The following VPS13B variants were observed in gnomAD, a reference collection of about 807,000 sequenced individuals.
The protein encoded by VPS13B is intermembrane lipid transfer protein VPS13B.
Under a neutral mutation model 426.4 loss-of-function variants are expected in VPS13B, and 285 were observed. That is an observed-to-expected ratio of 0.67 (90% CI 0.61 to 0.74). The LOEUF is 0.74. Ranked by LOEUF, VPS13B falls within the 30% of genes least tolerant of loss-of-function variation. The probability of loss-of-function intolerance (pLI) is 0.00; values close to 1 mark genes in which losing one functional copy is unlikely to be tolerated. For missense variants in VPS13B, 4,537 were observed against 4,782.6 expected, an observed-to-expected ratio of 0.95 and a Z score of 1.51; for synonymous variants, 1,676 against 1,676.4, an observed-to-expected ratio of 1.00 and a Z score of 0.01.
intron 43 of VPS13B, among the ~76,000 whole-genome samples, chr8:99,790,492 A>C (rs915573143): frequency 6.6e-6 from 1 of 152,214 alleles, no homozygotes. Context: ...GTAAAAAATT[A>C]TTATAGACAT....
intron 26 of VPS13B, 32 bp downstream of exon 26, chr8:99,501,890 C>G (rs1821250679): frequency 6.3e-6 from 10 of 1,599,742 alleles, no homozygotes; most frequent in Non-Finnish European, 8.5e-6. Context: ...TTCCCTCCCT[C>G]CCTCTGTCCC....
At chr8:99,750,711 T>C (rs996936921) in intron 39 of VPS13B, among the ~76,000 whole-genome samples, 1 of 152,158 alleles carries the variant, frequency 6.6e-6, no homozygotes, top group Admixed American at 6.6e-5. Flanking sequence ...TAGAGTTCTC[T>C]GTGCACAGAT....
In VPS13B at chr8:99,028,964, G is replaced by C. The variant is rs530953051; in HGVS notation, c.148-9459G>C. 9.6e-5 allele frequency among the ~76,000 whole-genome samples: 14 copies of C among 146,394 alleles called. 1 individual carries two copies. The East Asian group carries it at 3.0e-3, about 31-fold the overall frequency. ...GACGGGGTGGCTGCCGGACGGAGGG[G>C]CTCCTCACTTCTCAGACGGGGCGGC... is the stretch of plus-strand genomic sequence containing the variant. On this transcript the variant is annotated intron_variant, in intron 2 of 61. Coordinates refer to ENST00000357162, the MANE Select transcript of VPS13B (RefSeq NM_152564.5).
chr8:99,373,063 A>G (rs1422941135), intron 19 of VPS13B, among the ~76,000 whole-genome samples: 1 of 152,180 alleles, frequency 6.6e-6, no homozygotes, highest in Non-Finnish European at 1.5e-5. Context: ...CTAACACAGG[A>G]ACAGAAAACC....
intron 19 of VPS13B, 98 bp downstream of exon 19, chr8:99,275,352 TA>T: frequency 7.1e-6 from 8 of 1,122,920 alleles, no homozygotes; most frequent in Non-Finnish European, 9.9e-6. Context: ...TTTTTTTAGG[TA>T]TTTTTGTCAA....
intron 5 of VPS13B, among the ~76,000 whole-genome samples, chr8:99,107,168 A>T (rs1342891973): frequency 1.3e-5 from 2 of 152,208 alleles, no homozygotes; most frequent in African/African-American, 4.8e-5. Flanking sequence ...GTATTAAAAT[A>T]TTGCAGTTAA....
intron 23 of VPS13B, among the ~76,000 whole-genome samples, chr8:99,447,870 ACT>A (rs1488180644): frequency 6.6e-6 from 1 of 151,798 alleles, no homozygotes; most frequent in East Asian, 1.9e-4. Context: ...ACACTATTAT[ACT>A]CTGTCTTTTC....
chr8:99,355,631 T>C (rs898522835), intron 19 of VPS13B, among the ~76,000 whole-genome samples: 5 of 152,058 alleles, frequency 3.3e-5, no homozygotes, highest in African/African-American at 1.2e-4. Context: ...TACCTACCTC[T>C]CTAAATGAAT....
chr8:99,143,481 C>A (rs1183251847), intron 13 of VPS13B, among the ~76,000 whole-genome samples: 1 of 151,544 alleles, frequency 6.6e-6, no homozygotes, highest in South Asian at 2.1e-4. Flanking sequence ...TTCTAAGGAG[C>A]CAGATACAAA....
At chr8:99,755,740 G>A (rs866776747) in intron 39 of VPS13B, among the ~76,000 whole-genome samples, 3 of 152,276 alleles carry the variant, frequency 2.0e-5, no homozygotes, top group Middle Eastern at 3.4e-3. Flanking sequence ...CTGCCCTGCA[G>A]CCTGGGCAAC....
intron 15 of VPS13B, among the ~76,000 whole-genome samples, chr8:99,168,024 G>A (rs966088438): frequency 6.6e-6 from 1 of 152,060 alleles, no homozygotes; most frequent in African/African-American, 2.4e-5. Flanking sequence ...TATAGGTTTT[G>A]TAAATCTATG....
chr8:99,772,426 T>G (rs1811549134), intron 40 of VPS13B, among the ~76,000 whole-genome samples: 3 of 152,086 alleles, frequency 2.0e-5, no homozygotes. Context: ...GTCAAATTCA[T>G]AAAGAGCATA....
chr8:99,243,695 T>G (rs1268041238), intron 17 of VPS13B, among the ~76,000 whole-genome samples: 1 of 152,230 alleles, frequency 6.6e-6, no homozygotes, highest in Non-Finnish European at 1.5e-5. Flanking sequence ...TTCCATACAT[T>G]GCTTGGTTAT....
intron 19 of VPS13B, among the ~76,000 whole-genome samples, chr8:99,382,018 A>G (rs1193300432): frequency 6.6e-6 from 1 of 152,146 alleles, no homozygotes; most frequent in Non-Finnish European, 1.5e-5. Flanking sequence ...GGTCTAAGGA[A>G]GAGGTCCAGT....
At chr8:99,321,885 G>A (rs1810006603) in intron 19 of VPS13B, among the ~76,000 whole-genome samples, 1 of 152,120 alleles carries the variant, frequency 6.6e-6, no homozygotes, top group East Asian at 1.9e-4. Context: ...GAAATTAAAA[G>A]GTTCCAAAAC....
Position 99,876,647 on chromosome 8 carries a change from G to A in VPS13B, c.*981G>A, listed in dbSNP as rs981043709. 3.9e-5 allele frequency: 6 copies of A among 152,182 alleles called. No homozygotes were observed. The highest frequency in any genetic ancestry group is 1.4e-4 in the African/African-American group (6 of 41,432). The allele number at this position is 152,182 out of a possible 1,614,324, so 9.4% of individuals were successfully genotyped here. A position where few individuals can be genotyped will look rare whatever the true frequency, so the allele number is the denominator to read the frequency against. ...GACAAAGCATGAAGATATTCCCAGT[G>A]TCTGTCTGATAATATTTTGCATCTA... On this transcript the variant is annotated 3_prime_UTR_variant, in exon 62 of 62. Coordinates refer to ENST00000357162, the MANE Select transcript of VPS13B (RefSeq NM_152564.5).
chr8:99,121,791 G>C, intron 8 of VPS13B: 1 of 206,928 alleles, frequency 4.8e-6, no homozygotes, highest in Non-Finnish European at 9.4e-6. Context: ...TACCTGTCAG[G>C]TACGGTTTCC....
intron 21 of VPS13B, among the ~76,000 whole-genome samples, chr8:99,425,727 A>G (rs1215271773): frequency 6.6e-6 from 1 of 152,148 alleles, no homozygotes; most frequent in African/African-American, 2.4e-5. Flanking sequence ...GAAGGAAATA[A>G]AGGGTATTCA....
In VPS13B at chr8:99,642,200, G is replaced by T; in HGVS notation, c.5610G>T (p.Val1870=). The part of the protein sequence containing the change: ...AKPNQACIST[V]TAEDLLRSSI... Reference sequence around the variant, plus strand: ...CCAACCAGGCATGTATTTCCACGGTGACAGCAGAAGATCTCTTAAGGAGCA... The same window carrying T: ...CCAACCAGGCATGTATTTCCACGGTTACAGCAGAAGATCTCTTAAGGAGCA... The change falls in exon 34 of 62, where the codon GTG becomes GTT. Residue 1870 remains valine (V), a synonymous_variant. Coordinates refer to ENST00000357162, the MANE Select transcript of VPS13B (RefSeq NM_152564.5). 6.2e-7 allele frequency: 1 copy of T among 1,614,130 alleles called. No individual in the cohort carries two copies. Among genetic ancestry groups the T allele is most frequent in the Non-Finnish European group, 8.5e-7 (1 of 1,180,006 alleles).
Sources: gnomAD v4.1 joint callset for allele counts (sites outside exome capture counted in the v4.1 genomes callset) on GRCh38, gnomAD v4.1.1 for gene constraint, MANE v1.5 for transcripts, NCBI Gene and HGNC (gene_info 2026-07-23, HGNC 2026-07-21) for gene names.